The following TRIM66 variants were observed in gnomAD, a reference collection of about 807,000 sequenced individuals.
TRIM66 encodes tripartite motif-containing protein 66.
TRIM66 carries 99 observed loss-of-function variants against 148.2 expected under a neutral mutation model. That is an observed-to-expected ratio of 0.67 (90% CI 0.57 to 0.79). TRIM66 has a LOEUF of 0.79. TRIM66 is among the 30% of genes least tolerant of loss of function. The pLI is 0.00. For synonymous variants in TRIM66, 616 were observed against 635.9 expected (o/e 0.97, Z 0.47); for missense variants, 1,666 against 1,697.9 (o/e 0.98, Z 0.33).
At position 8,619,424 on chromosome 11, in the gene TRIM66, C is replaced by G. The variant is rs1240305231; in HGVS notation, c.3859G>C (p.Asp1287His). 2 of 1,538,878 alleles carry G rather than the reference C, an allele frequency of 1.3e-6. No individual in the cohort carries two copies. Among genetic ancestry groups the G allele is most frequent in the Non-Finnish European group, 1.7e-6 (2 of 1,143,104 alleles). The change falls in exon 23 of 25, where the codon GAT becomes CAT. Residue 1287 changes from aspartate (D) to histidine (H), a missense_variant. By Grantham distance (81) the Asp-to-His change is moderately conservative. Around this residue, in one of 3 missense-constraint regions of TRIM66, gnomAD observed 204 missense variants for 231.0 expected, o/e 0.88. Coordinates refer to ENST00000646038, the MANE Select transcript of TRIM66 (RefSeq NM_001388022.1). ...CAGTTCCAGAACATGAGGCGCACAT[C>G]TGATACCACCTCCTCTGGGGTGGTA... Reference protein sequence around the residue: ...HYTTPEEVVSDVRLMFWNCAK... With the variant: ...HYTTPEEVVSHVRLMFWNCAK...
upstream of TRIM66, chr11:8,682,940 C>G: frequency 7.6e-7 from 1 of 1,323,676 alleles, no homozygotes; most frequent in East Asian, 2.4e-5. Context: ...TGGCCGCCTG[C>G]GGGGCAGGGT....
intron 17 of TRIM66, among the ~76,000 whole-genome samples, chr11:8,624,135 A>G (rs1402385780): frequency 6.6e-6 from 1 of 152,182 alleles, no homozygotes; most frequent in Non-Finnish European, 1.5e-5. Context: ...GAGTGTTACA[A>G]AAAGAGTAAG....
intron 6 of TRIM66, among the ~76,000 whole-genome samples, chr11:8,666,481 A>G (rs747928112): frequency 1.1e-4 from 16 of 151,608 alleles, no homozygotes; most frequent in Non-Finnish European, 2.1e-4. Context: ...CATGTTCTCA[A>G]GTTCTAAATA....
At chr11:8,618,473 A>G (rs907634418) in intron 24 of TRIM66, among the ~76,000 whole-genome samples, 2 of 152,232 alleles carry the variant, frequency 1.3e-5, no homozygotes, top group Admixed American at 1.3e-4. Context: ...ACTGGGAATC[A>G]GGACAACTGG....
chr11:8,665,945 T>A (rs1370596381), intron 6 of TRIM66, among the ~76,000 whole-genome samples: 1 of 151,554 alleles, frequency 6.6e-6, no homozygotes, highest in African/African-American at 2.4e-5. Flanking sequence ...TGAGACTCCA[T>A]CTCAAAAAAT....
intron 6 of TRIM66, among the ~76,000 whole-genome samples, chr11:8,661,125 C>A (rs761784810): frequency 6.6e-6 from 1 of 152,152 alleles, no homozygotes; most frequent in East Asian, 1.9e-4. Context: ...AGTGAAGTGA[C>A]GTCAGGAAAA....
chr11:8,629,667 A>G (rs1048131061), intron 15 of TRIM66, among the ~76,000 whole-genome samples: 51 of 152,006 alleles, frequency 3.4e-4, no homozygotes, highest in South Asian at 2.1e-3. Context: ...AATTGCGGAA[A>G]CTCCATGGCA....
In TRIM66 at chr11:8,640,849, G is replaced by A. The variant is rs767170808; in HGVS notation, c.1526C>T (p.Ser509Phe). The change falls in exon 14 of 25, where the codon TCT becomes TTT. Residue 509 changes from serine to phenylalanine, a missense_variant. Coordinates refer to ENST00000646038, the MANE Select transcript of TRIM66 (RefSeq NM_001388022.1). ...CTCTTTCTCCCTGGGCAGCAGGGCA[G>A]AGCACTGCAGAGACCCCAGCTGCTG... ...VPQQLGSLQC[S>F]ALLPREKELA... 6.4e-7 allele frequency: 1 copy of A among 1,550,444 alleles called. No individual in the cohort carries two copies. Among genetic ancestry groups the A allele is most frequent in the South Asian group, 1.2e-5 (1 of 84,006 alleles).
intron 15 of TRIM66, among the ~76,000 whole-genome samples, chr11:8,635,744 T>C (rs1300939347): frequency 6.6e-6 from 1 of 152,160 alleles, no homozygotes; most frequent in East Asian, 1.9e-4. Flanking sequence ...CCTAGGACCT[T>C]TGCTAACCCC....
rs369482305 is a variant in TRIM66, at chr11:8,658,370, C to T, written c.341-6467G>A. The stretch of plus-strand genomic sequence containing the variant: ...TTCAACTTTCAGGAACTAGCTCTGT[C>T]GCCCTCTGCACAGCTCGGGAGACAG... On this transcript the variant is annotated intron_variant, in intron 6 of 24. Coordinates refer to ENST00000646038, the MANE Select transcript of TRIM66 (RefSeq NM_001388022.1). Among the ~76,000 whole-genome samples the T allele has an allele frequency of 1.2e-4, 18 of 152,272 alleles. 1 individual carries two copies. The highest frequency in any genetic ancestry group is 3.4e-3 in the Middle Eastern group (1 of 294).
chr11:8,645,105 C>T (rs2036734086), intron 12 of TRIM66, among the ~76,000 whole-genome samples: 2 of 152,192 alleles, frequency 1.3e-5, no homozygotes. Context: ...ACACACTCTT[C>T]CAAGGTGATA....
At chr11:8,643,151 T>C (rs1037142443) in intron 12 of TRIM66, 25 bp from the exon 13 acceptor site, 36 of 1,542,182 alleles carry the variant, frequency 2.3e-5, no homozygotes, top group Non-Finnish European at 2.9e-5. Context: ...AAAGGTCATT[T>C]ATTTGGGCAT....
At chr11:8,619,073 G>T in intron 23 of TRIM66, 105 bp from the exon 24 acceptor site, 1 of 1,044,786 alleles carries the variant, frequency 9.6e-7, no homozygotes, top group Non-Finnish European at 1.4e-6. Flanking sequence ...GGGGTGTCCT[G>T]AGGTGTCTGG....
intron 17 of TRIM66, 138 bp downstream of exon 17, chr11:8,624,221 G>A (rs886689823): frequency 1.9e-5 from 18 of 969,108 alleles, no homozygotes; most frequent in Non-Finnish European, 2.6e-5. Flanking sequence ...TTCCGGAGGA[G>A]AGAAGTAAAT....
Position 8,646,532 on chromosome 11 carries a change from T to A in TRIM66, c.872A>T (p.Lys291Met). 2 of 1,552,004 alleles carry A rather than the reference T, an allele frequency of 1.3e-6. No homozygotes were observed. Among genetic ancestry groups the A allele is most frequent in the Non-Finnish European group, 1.7e-6 (2 of 1,147,044 alleles). The stretch of plus-strand genomic sequence containing the variant: ...GGCCATTTTGATCTGGTTTTCCACC[T>A]TCCTATGCTGATGCTTCACTTCAAA... ...RIFEVKHQHR[K>M]VENQIKMAKM... The change falls in exon 11 of 25, where the codon AAG (lysine) becomes ATG (methionine). Residue 291 changes from lysine to methionine, a missense_variant. Around this residue, in one of 3 missense-constraint regions of TRIM66, gnomAD observed 1,431 missense variants for 1,412.4 expected, o/e 1.01. Coordinates refer to ENST00000646038, the MANE Select transcript of TRIM66 (RefSeq NM_001388022.1).
chr11:8,682,794 T>A (rs866351071), upstream of TRIM66: 2 of 1,613,346 alleles, frequency 1.2e-6, no homozygotes, highest in Non-Finnish European at 1.7e-6. Context: ...AGGCCTTCCT[T>A]TTTCGTCTGG....
In TRIM66 at chr11:8,668,871, C is replaced by A. The variant is rs373149995; in HGVS notation, c.340+2915G>T. On this transcript the variant is annotated intron_variant, in intron 6 of 24. Coordinates refer to ENST00000646038, the MANE Select transcript of TRIM66 (RefSeq NM_001388022.1). ...AAAGTGCTGGGATTACAGGCATGAG[C>A]CACCGCGCCCAGTCCCAAGATGGCA... Among the ~76,000 whole-genome samples the A allele has an allele frequency of 1.7e-3, 253 of 152,304 alleles. 6 individuals carry two copies. In the South Asian group the frequency reaches 0.032, roughly 19 times the overall value.
At chr11:8,681,650 C>CTATTAGCGAAGACA (rs1281214540) in intron 1 of TRIM66, among the ~76,000 whole-genome samples, 7 of 78,794 alleles carry the variant, frequency 8.9e-5, no homozygotes, top group Non-Finnish European at 2.6e-4. Flanking sequence ...CGAAGACATG[C>CTATTAGCGAAGACA]TGCTATTAGC....
chr11:8,614,893 T>C lies in TRIM66; in HGVS notation c.*3051A>G, dbSNP rs543079756. On this transcript the variant is annotated 3_prime_UTR_variant, in exon 25 of 25. Transcript: ENST00000646038. ...AAGTCAGGCAGGGCTAACCTAACCA[T>C]GTTCTGTGGAAGAGTGCTCTGCAAG... is the stretch of plus-strand genomic sequence containing the variant. 2.6e-5 allele frequency: 4 copies of C among 152,348 alleles called. No individual in the cohort carries two copies. Among genetic ancestry groups the C allele is most frequent in the Admixed American group, 2.6e-4 (4 of 15,298 alleles). The allele number at this position is 152,348 out of a possible 1,614,324, so 9.4% of individuals were successfully genotyped here. A position where few individuals can be genotyped will look rare whatever the true frequency, so the allele number is the denominator to read the frequency against.
Sources: allele counts gnomAD v4.1 joint callset (sites outside exome capture counted in the v4.1 genomes callset), GRCh38; gene constraint gnomAD v4.1.1; regional missense constraint gnomAD v4.1.1; transcripts MANE v1.5; gene names NCBI Gene and HGNC (gene_info 2026-07-23, HGNC 2026-07-21).